Variants in MICAL2 observed in about 807,000 individuals in gnomAD.
MICAL2 encodes microtubule associated monooxygenase, calponin and LIM domain containing 2.
A neutral mutation model predicts 127.3 loss-of-function variants in MICAL2; 77 were observed. The ratio of observed to expected loss-of-function variants is 0.60; its 90% CI spans 0.50 to 0.73. The LOEUF (loss-of-function observed/expected upper bound fraction) is 0.73, where lower values mean the gene tolerates loss of function less well. Among genes scored for constraint, MICAL2 ranks in the 30% least tolerant of loss-of-function variants. The pLI is 0.00. For missense variants in MICAL2, 1,351 were observed against 1,434.4 expected (o/e 0.94, Z 0.94); for synonymous variants, 570 against 551.1 (o/e 1.03, Z -0.48).
At chr11:12,347,264 G>A (rs142925073) in intron 32 of MICAL2, among the ~76,000 whole-genome samples, 3 of 152,258 alleles carry the variant, frequency 2.0e-5, no homozygotes, top group South Asian at 2.1e-4. Context: ...CCTCCCCTGT[G>A]TGCCCACAGT....
chr11:12,146,141 G>C (rs1039019691), intron 2 of MICAL2, among the ~76,000 whole-genome samples: 1 of 152,090 alleles, frequency 6.6e-6, no homozygotes, highest in Non-Finnish European at 1.5e-5. Flanking sequence ...ATACCATTCA[G>C]GACATAGGCA....
At chr11:12,197,797 G>C (rs1860132668) in intron 3 of MICAL2, 1 of 152,246 alleles carries the variant, frequency 6.6e-6, no homozygotes, top group South Asian at 2.1e-4. Flanking sequence ...GCAGCTACTG[G>C]TTACAGTTGG....
At chr11:12,301,726 G>T (rs1258682358) in intron 29 of MICAL2, among the ~76,000 whole-genome samples, 1 of 152,162 alleles carries the variant, frequency 6.6e-6, no homozygotes, top group Non-Finnish European at 1.5e-5. Flanking sequence ...ATCACAAAGG[G>T]CTGGTCAGTG....
chr11:12,230,714 T>TTC (rs67626697), intron 15 of MICAL2, among the ~76,000 whole-genome samples: 4 of 150,778 alleles, frequency 2.7e-5, no homozygotes, highest in African/African-American at 9.8e-5. Flanking sequence ...AATTCTTCTT[T>TTC]CCCCCCCCAT....
At chr11:12,330,786 G>GGAGAGAGAGAGAGAGA (rs59477152) in intron 32 of MICAL2, among the ~76,000 whole-genome samples, 4 of 98,522 alleles carry the variant, frequency 4.1e-5, no homozygotes, top group Admixed American at 1.9e-4. Flanking sequence ...TGCAGGACGT[G>GGAGAGAGAGAGAGAGA]GAGAGAGAGA....
chr11:12,121,668 C>T (rs1002183677), intron 1 of MICAL2: 8 of 152,234 alleles, frequency 5.3e-5, no homozygotes, highest in Non-Finnish European at 1.0e-4. Context: ...TTGGTTGCCT[C>T]CCAGCCCTCT....
chr11:12,311,615 T>C (rs1864175568), intron 29 of MICAL2, among the ~76,000 whole-genome samples: 1 of 152,208 alleles, frequency 6.6e-6, no homozygotes, highest in South Asian at 2.1e-4. Flanking sequence ...TTAGCCAGGC[T>C]GGTCTCAAAC....
chr11:12,265,048 C>T (rs1289860481), downstream of MICAL2, among the ~76,000 whole-genome samples: 2 of 152,178 alleles, frequency 1.3e-5, no homozygotes, highest in African/African-American at 2.4e-5. Context: ...AGACAAAAAT[C>T]GTCACTTTAT....
intron 32 of MICAL2, among the ~76,000 whole-genome samples, chr11:12,327,764 T>G (rs957701345): frequency 6.6e-6 from 1 of 150,660 alleles, no homozygotes; most frequent in Non-Finnish European, 1.5e-5. Context: ...AATGTGGTTT[T>G]CTCCTTTATA....
Position 12,256,952 on chromosome 11 carries a change from C to T in MICAL2, c.3123C>T (p.Tyr1041=), listed in dbSNP as rs1448937569. 2.5e-6 allele frequency: 4 copies of T among 1,613,440 alleles called. No homozygotes were observed. Among genetic ancestry groups the T allele is most frequent in the Non-Finnish European group, 2.5e-6 (3 of 1,179,698 alleles). Residue 1041 remains tyrosine (Y), a synonymous_variant, in exon 24 of 28, where the codon TAC becomes TAT. Transcript: ENST00000683283. ...ICATTLRLAA[Y]TFDCDEGKFY... is the part of the protein sequence containing the mutation. ...CCACCACCTTGCGCCTGGCCGCCTA[C>T]ACCTTTGACTGCGATGAAGGTAACC...
At chr11:12,163,276 C>T (rs1041842288) in intron 3 of MICAL2, among the ~76,000 whole-genome samples, 6 of 152,156 alleles carry the variant, frequency 3.9e-5, no homozygotes, top group Non-Finnish European at 7.3e-5. Context: ...CCCTGGTGGC[C>T]GTTGGGGACT....
At chr11:12,224,116 C>A (rs1289571939) in intron 12 of MICAL2, among the ~76,000 whole-genome samples, 1 of 152,184 alleles carries the variant, frequency 6.6e-6, no homozygotes, top group Non-Finnish European at 1.5e-5. Context: ...TTACCATAAT[C>A]AACCATTTTA....
intron 33 of MICAL2, among the ~76,000 whole-genome samples, chr11:12,351,198 G>T (rs1939039097): frequency 6.6e-6 from 1 of 152,108 alleles, no homozygotes; most frequent in African/African-American, 2.4e-5. Context: ...ATCTTTTAGG[G>T]AGTCACCATT....
intron 2 of MICAL2, among the ~76,000 whole-genome samples, chr11:12,147,601 A>C (rs1049204898): frequency 6.6e-6 from 1 of 152,254 alleles, no homozygotes; most frequent in African/African-American, 2.4e-5. Flanking sequence ...TGCACAAAAC[A>C]CATGATAGGT....
intron 2 of MICAL2, among the ~76,000 whole-genome samples, chr11:12,144,222 T>C (rs1852650309): frequency 6.6e-6 from 1 of 152,168 alleles, no homozygotes; most frequent in Admixed American, 6.5e-5. Flanking sequence ...TTTGGAACAG[T>C]TGGGGCTTAT....
intron 2 of MICAL2, among the ~76,000 whole-genome samples, chr11:12,147,807 T>G (rs1853105934): frequency 6.6e-6 from 1 of 152,208 alleles, no homozygotes; most frequent in Admixed American, 6.5e-5. Context: ...GTCCCAAAGT[T>G]GGCTGATCAA....
intron 2 of MICAL2, among the ~76,000 whole-genome samples, chr11:12,141,087 G>T (rs761718821): frequency 6.6e-6 from 1 of 152,098 alleles, no homozygotes; most frequent in Non-Finnish European, 1.5e-5. Flanking sequence ...CAAAATATCC[G>T]CTGGGTCTGC....
chr11:12,160,364 C>G (rs1349183425), intron 2 of MICAL2, among the ~76,000 whole-genome samples: 1 of 152,184 alleles, frequency 6.6e-6, no homozygotes. Context: ...CACTGCTGCC[C>G]TATCATCTTC....
chr11:12,204,605 C>T, intron 4 of MICAL2, 148 bp downstream of exon 4: 1 of 762,960 alleles, frequency 1.3e-6, no homozygotes, highest in Non-Finnish European at 2.1e-6. Flanking sequence ...AGTAAAAGGC[C>T]TGCTTTGTGC....
Sources: allele counts gnomAD v4.1 joint callset (sites outside exome capture counted in the v4.1 genomes callset), GRCh38; gene constraint gnomAD v4.1.1; transcripts MANE v1.5; gene names NCBI Gene and HGNC (gene_info 2026-07-23, HGNC 2026-07-21).